Variants in GPR158 observed in about 807,000 individuals in gnomAD.
GPR158 encodes the protein metabotropic glycine receptor.
Under a neutral mutation model 78.2 loss-of-function variants are expected in GPR158, and 30 were observed. The observed-to-expected ratio is 0.38, with a 90% CI of 0.29 to 0.52. The LOEUF (loss-of-function observed/expected upper bound fraction) is 0.52, where lower values mean the gene tolerates loss of function less well. GPR158 is among the 20% of genes least tolerant of loss of function. GPR158 has a pLI of 0.83. For missense variants in GPR158, 1,463 were observed against 1,523.5 expected (o/e 0.96, Z 0.66); for synonymous variants, 581 against 591.1 (o/e 0.98, Z 0.25).
chr10:25,576,886 A>G (rs1201322798), intron 7 of GPR158, among the ~76,000 whole-genome samples: 1 of 151,316 alleles, frequency 6.6e-6, no homozygotes, highest in Non-Finnish European at 1.5e-5. Flanking sequence ...TGTTTTTGTC[A>G]TCTCACAGTC....
At chr10:25,521,657 T>A (rs1414259189) in intron 5 of GPR158, among the ~76,000 whole-genome samples, 1 of 152,200 alleles carries the variant, frequency 6.6e-6, no homozygotes, top group African/African-American at 2.4e-5. Context: ...TTTGGTAGAC[T>A]ATGTCAGAGG....
At chr10:25,517,210 T>C (rs1458299923) in intron 5 of GPR158, among the ~76,000 whole-genome samples, 2 of 148,474 alleles carry the variant, frequency 1.3e-5, no homozygotes, top group South Asian at 2.2e-4. Flanking sequence ...GTGATTTTTG[T>C]ACATTGATTT....
At chr10:25,582,390 A>C (rs11596726) in intron 7 of GPR158, among the ~76,000 whole-genome samples, 3,448 of 152,292 alleles carry the variant, frequency 0.023, 49 homozygotes, top group Non-Finnish European at 0.036. Flanking sequence ...ACTTAAATGT[A>C]TATGCCAGAG....
chr10:25,302,922 G>C (rs1854619872), intron 2 of GPR158, among the ~76,000 whole-genome samples: 1 of 152,170 alleles, frequency 6.6e-6, no homozygotes, highest in Non-Finnish European at 1.5e-5. Flanking sequence ...CGTAGGTTCT[G>C]AGCAAATCAC....
chr10:25,477,421 T>C (rs1588880652), intron 5 of GPR158, among the ~76,000 whole-genome samples: 1 of 152,324 alleles, frequency 6.6e-6, no homozygotes, highest in Non-Finnish European at 1.5e-5. Context: ...CACTTTCCTA[T>C]GTTCTAATGC....
chr10:25,455,432 AT>A (rs200823362), intron 4 of GPR158, among the ~76,000 whole-genome samples: 2,624 of 152,186 alleles, frequency 0.017, 83 homozygotes, highest in African/African-American at 0.06. Flanking sequence ...CATTGCCTTA[AT>A]TTTTCAGTAA....
intron 1 of GPR158, among the ~76,000 whole-genome samples, chr10:25,203,001 G>A (rs1299933630): frequency 1.3e-5 from 2 of 152,138 alleles, no homozygotes; most frequent in African/African-American, 4.8e-5. Flanking sequence ...TTCTCTGATG[G>A]CCAGTGATGG....
At chr10:25,508,655 G>A (rs907920158) in intron 5 of GPR158, among the ~76,000 whole-genome samples, 2 of 152,122 alleles carry the variant, frequency 1.3e-5, no homozygotes, top group African/African-American at 4.8e-5. Flanking sequence ...ACAAGTCGGG[G>A]GTAGGGGAAG....
chr10:25,192,598 TGTAAAGA>T (rs1455518430), intron 1 of GPR158, among the ~76,000 whole-genome samples: 1 of 152,142 alleles, frequency 6.6e-6, no homozygotes, highest in Non-Finnish European at 1.5e-5. Context: ...CTCTTACTGT[TGTAAAGA>T]GTAAACAATC....
intron 3 of GPR158, among the ~76,000 whole-genome samples, chr10:25,398,848 CAG>C (rs1588844919): frequency 6.6e-6 from 1 of 152,250 alleles, no homozygotes; most frequent in East Asian, 1.9e-4. Flanking sequence ...TCCTCACTGA[CAG>C]AGCAGAACAG....
chr10:25,225,167 G>A (rs563664187), intron 2 of GPR158, among the ~76,000 whole-genome samples: 1 of 141,624 alleles, frequency 7.1e-6, no homozygotes, highest in Non-Finnish European at 1.5e-5. Context: ...CAGATCAGCA[G>A]ATTTGGAACA....
chr10:25,588,327 AAC>A (rs983578109), intron 7 of GPR158, among the ~76,000 whole-genome samples: 1 of 152,224 alleles, frequency 6.6e-6, no homozygotes, highest in African/African-American at 2.4e-5. Flanking sequence ...AATTATATCT[AAC>A]ACGGTGCTGA....
chr10:25,245,904 G>T (rs1452636739), intron 2 of GPR158, among the ~76,000 whole-genome samples: 1 of 152,094 alleles, frequency 6.6e-6, no homozygotes, highest in Non-Finnish European at 1.5e-5. Flanking sequence ...TATTAAATTA[G>T]GCATTATTTG....
In GPR158 at chr10:25,233,345, CAGT is replaced by C. The variant is rs774646712; in HGVS notation, c.1008+12190_1008+12192del. On this transcript the variant is annotated intron_variant, in intron 2 of 10. Transcript: ENST00000376351. ...TCCATAGATTTTATTATTGGCTTGTCAGTACAGTCTTTGTTTTATGCATGCAAA... is the reference window on the plus strand; with the variant it reads ...TCCATAGATTTTATTATTGGCTTGTCACAGTCTTTGTTTTATGCATGCAAA... Among the ~76,000 whole-genome samples, 44 of 152,104 alleles carry C rather than the reference CAGT, an allele frequency of 2.9e-4. 1 individual carries two copies. Among genetic ancestry groups the C allele is most frequent in the Non-Finnish European group, 5.7e-4 (39 of 68,014 alleles).
chr10:25,220,797 T>C (rs1853289274), intron 1 of GPR158, among the ~76,000 whole-genome samples: 1 of 152,190 alleles, frequency 6.6e-6, no homozygotes, highest in Non-Finnish European at 1.5e-5. Flanking sequence ...ACATATTTAT[T>C]GAGCACCTAT....
intron 2 of GPR158, among the ~76,000 whole-genome samples, chr10:25,387,142 A>G (rs969931501): frequency 3.3e-5 from 5 of 152,016 alleles, no homozygotes; most frequent in Admixed American, 2.6e-4. Context: ...TGTTGAGGTA[A>G]TTTCCTCCTA....
intron 2 of GPR158, among the ~76,000 whole-genome samples, chr10:25,228,863 C>T (rs1252515477): frequency 6.6e-6 from 1 of 151,278 alleles, no homozygotes; most frequent in African/African-American, 2.4e-5. Context: ...AACCCCGTCT[C>T]TACTAAAAAA....
At chr10:25,201,193 T>C (rs1852923508) in intron 1 of GPR158, among the ~76,000 whole-genome samples, 2 of 152,186 alleles carry the variant, frequency 1.3e-5, no homozygotes. Flanking sequence ...CCATGTTTTG[T>C]AATTCTCATT....
At chr10:25,179,273 G>A (rs190517505) in intron 1 of GPR158, among the ~76,000 whole-genome samples, 4 of 152,288 alleles carry the variant, frequency 2.6e-5, no homozygotes, top group African/African-American at 9.6e-5. Context: ...CAGATTAGGA[G>A]CCCTGATCAT....
Sources: gnomAD v4.1 joint callset for allele counts (sites outside exome capture counted in the v4.1 genomes callset) on GRCh38, gnomAD v4.1.1 for gene constraint, MANE v1.5 for transcripts, NCBI Gene and HGNC (gene_info 2026-07-23, HGNC 2026-07-21) for gene names.